The following TAOK1 variants were observed in gnomAD, a reference collection of about 807,000 sequenced individuals.
The protein encoded by TAOK1 is serine/threonine-protein kinase TAO1.
Under a neutral mutation model 138.3 loss-of-function variants are expected in TAOK1, and 21 were observed. That is an observed-to-expected ratio of 0.15 (90% CI 0.11 to 0.22). TAOK1 has a LOEUF of 0.22. Among genes scored for constraint, TAOK1 ranks in the 10% least tolerant of loss-of-function variants. The pLI, the probability that TAOK1 is intolerant of heterozygous loss-of-function variation, is 1.00. For missense variants in TAOK1, 651 were observed against 1,227.7 expected (o/e 0.53, Z 7.02); for synonymous variants, 361 against 398.4 (o/e 0.91, Z 1.12).
At chr17:29,498,264 A>AAG in intron 11 of TAOK1, 54 bp from the exon 12 acceptor site, 1 of 1,586,864 alleles carries the variant, frequency 6.3e-7, no homozygotes, top group Non-Finnish European at 8.6e-7. Flanking sequence ...AAGAATTCAG[A>AAG]AGAGAGAGAT....
chr17:29,409,308 C>CAT (rs1183993280), intron 1 of TAOK1, among the ~76,000 whole-genome samples: 1,901 of 79,452 alleles, frequency 0.024, 43 homozygotes, highest in Non-Finnish European at 0.031. Context: ...TTTTTATGGA[C>CAT]ATATATATAT....
At chr17:29,412,771 A>G (rs1905177648) in intron 1 of TAOK1, among the ~76,000 whole-genome samples, 1 of 152,210 alleles carries the variant, frequency 6.6e-6, no homozygotes. Context: ...AACTATTTAT[A>G]CAACGAAAGT....
intron 1 of TAOK1, among the ~76,000 whole-genome samples, chr17:29,423,094 A>AT (rs558717390): frequency 0.013 from 1,193 of 88,430 alleles, 18 homozygotes; most frequent in African/African-American, 0.038. Flanking sequence ...TTTTTCCCCC[A>AT]TTTTTTTTTT....
intron 1 of TAOK1, among the ~76,000 whole-genome samples, chr17:29,422,284 A>T (rs1598474388): frequency 6.6e-6 from 1 of 150,498 alleles, no homozygotes; most frequent in Non-Finnish European, 1.5e-5. Context: ...GCTCGCTGCC[A>T]TCCCCAACTC....
At chr17:29,481,693 A>C (rs543401125) in intron 7 of TAOK1, among the ~76,000 whole-genome samples, 17 of 151,540 alleles carry the variant, frequency 1.1e-4, no homozygotes, top group Non-Finnish European at 1.8e-4. Context: ...GGTGCGGTGG[A>C]TCACGCCTGT....
intron 1 of TAOK1, among the ~76,000 whole-genome samples, chr17:29,419,468 A>G (rs549199777): frequency 7.2e-4 from 108 of 149,444 alleles, no homozygotes; most frequent in Non-Finnish European, 1.3e-3. Flanking sequence ...AGTGCTGGGA[A>G]TGTGAGCCAC....
At chr17:29,422,709 T>G (rs2153021889) in intron 1 of TAOK1, among the ~76,000 whole-genome samples, 1 of 152,316 alleles carries the variant, frequency 6.6e-6, no homozygotes, top group South Asian at 2.1e-4. Flanking sequence ...CTCTTTGGCA[T>G]TAGTTTGTCT....
At chr17:29,451,142 T>C (rs755316097) in intron 1 of TAOK1, among the ~76,000 whole-genome samples, 28 of 152,246 alleles carry the variant, frequency 1.8e-4, no homozygotes, top group Admixed American at 5.2e-4. Flanking sequence ...ATAGTCTCTT[T>C]TATATTATCT....
chr17:29,542,556 A>G lies in TAOK1; in HGVS notation c.2545-5A>G, dbSNP rs560542201. ...GGCTTTCATTTTTCTTCCAATCTCC[A>G]ACAGATTGAAGAAGAGATGTTGGCT... On this transcript the variant is annotated splice_region_variant and splice_polypyrimidine_tract_variant and intron_variant, in intron 19 of 19. Coordinates refer to ENST00000261716, the MANE Select transcript of TAOK1 (RefSeq NM_020791.4). 1.7e-5 allele frequency: 26 copies of G among 1,574,568 alleles called. No individual in the cohort carries two copies. In the East Asian group the frequency reaches 5.4e-4, roughly 33 times the overall value.
chr17:29,480,878 A>AAAAAAAAAAAG (rs1171832474), intron 7 of TAOK1, among the ~76,000 whole-genome samples: 1 of 151,468 alleles, frequency 6.6e-6, no homozygotes, highest in Non-Finnish European at 1.5e-5. Context: ...TCTCAAAAAA[A>AAAAAAAAAAAG]AAAAAAGATT....
At chr17:29,470,775 C>T (rs1044120326) in intron 3 of TAOK1, among the ~76,000 whole-genome samples, 3 of 152,084 alleles carry the variant, frequency 2.0e-5, no homozygotes, top group Non-Finnish European at 4.4e-5. Flanking sequence ...TACAATAAAG[C>T]AAATATCATA....
intron 11 of TAOK1, among the ~76,000 whole-genome samples, 195 bp from the exon 12 acceptor site, chr17:29,498,123 G>A (rs1313370560): frequency 1.3e-5 from 2 of 152,122 alleles, no homozygotes; most frequent in Non-Finnish European, 2.9e-5. Context: ...TGATTTACTT[G>A]TTGGTCATTT....
rs2153028702 is a variant in TAOK1 at position 29,502,734 on chromosome 17, A to C, written c.1338+11A>C. The C allele has an allele frequency of 6.2e-7, 1 of 1,605,026 alleles. No individual in the cohort carries two copies. Among genetic ancestry groups the C allele is most frequent in the Non-Finnish European group, 8.5e-7 (1 of 1,176,894 alleles). Reference sequence around the variant, plus strand: ...CGGACAGCATCACTGGTATGTACTTACCCGAATTAGAGATAAATATATTTT... The same window carrying C: ...CGGACAGCATCACTGGTATGTACTTCCCCGAATTAGAGATAAATATATTTT... On this transcript the variant is annotated intron_variant, in intron 13 of 19. Coordinates refer to ENST00000261716, the MANE Select transcript of TAOK1 (RefSeq NM_020791.4).
intron 19 of TAOK1, among the ~76,000 whole-genome samples, chr17:29,542,086 C>A (rs893242670): frequency 6.6e-6 from 1 of 152,024 alleles, no homozygotes; most frequent in African/African-American, 2.4e-5. Context: ...ACCATGTTAG[C>A]CAGGATGGTC....
rs1014102819 is a variant in TAOK1, at chr17:29,432,894, G to A, written c.-94-18561G>A. Among the ~76,000 whole-genome samples, 3 of 152,034 alleles carry A rather than the reference G, an allele frequency of 2.0e-5. No individual in the cohort carries two copies. The South Asian group carries it at 6.2e-4, about 32-fold the overall frequency. On this transcript the variant is annotated intron_variant, in intron 1 of 19. Transcript: ENST00000261716. ...TCTGCCTTAGCCTCCTGAGTAGTTA[G>A]GACTGCAGGTGTTTGCCACCACACC...
At chr17:29,455,558 G>T (rs1294571596) in intron 2 of TAOK1, among the ~76,000 whole-genome samples, 1 of 150,574 alleles carries the variant, frequency 6.6e-6, no homozygotes, top group Admixed American at 6.6e-5. Context: ...TGATAGTAGT[G>T]AGAAAGCCTT....
Position 29,489,533 on chromosome 17 carries a change from CT to C in TAOK1, c.656-129del, listed in dbSNP as rs2031251934. On this transcript the variant is annotated intron_variant, in intron 8 of 19. Transcript: ENST00000261716. ...TAAAAAAAAAGCTCTTTGAACTCTACTTGCAATTTTTTGTGTAAGTTTAAGA... is the reference window on the plus strand; with the variant it reads ...TAAAAAAAAAGCTCTTTGAACTCTACTGCAATTTTTTGTGTAAGTTTAAGA... 4 of 597,692 alleles carry C rather than the reference CT, an allele frequency of 6.7e-6. No individual in the cohort carries two copies. In the East Asian group the frequency reaches 1.3e-4, roughly 19 times the overall value. 37.0% of individuals were successfully genotyped at this position (597,692 alleles called of 1,614,324 possible). A position where few individuals can be genotyped will look rare whatever the true frequency, so the allele number is the denominator to read the frequency against.
rs2031158238 is a variant in TAOK1, at chr17:29,485,677, A to G, written c.655+3389A>G. On this transcript the variant is annotated intron_variant, in intron 8 of 19. Transcript: ENST00000261716. ...ATTAAATTAAAATAAAACAGGAAAC[A>G]AAAGTACACATAGTCATTTTTCCCA... Among the ~76,000 whole-genome samples, 7 of 152,212 alleles carry G rather than the reference A, an allele frequency of 4.6e-5. 1 individual carries two copies. The South Asian group carries it at 1.4e-3, about 32-fold the overall frequency.
chr17:29,405,235 G>A (rs1411124007), intron 1 of TAOK1, among the ~76,000 whole-genome samples: 1 of 152,050 alleles, frequency 6.6e-6, no homozygotes, highest in Non-Finnish European at 1.5e-5. Context: ...TGATACACCC[G>A]CCTTGGCCTC....
Sources: allele counts gnomAD v4.1 joint callset (sites outside exome capture counted in the v4.1 genomes callset), GRCh38; gene constraint gnomAD v4.1.1; transcripts MANE v1.5; gene names NCBI Gene and HGNC (gene_info 2026-07-23, HGNC 2026-07-21).